BMAL2: variants seen among roughly 807,000 people sequenced by gnomAD.
The protein encoded by BMAL2 is basic helix-loop-helix ARNT-like protein 2.
chr12:27,384,658 C>T, the BMAL2 span, among the ~76,000 whole-genome samples: 4 of 152,112 alleles, frequency 2.6e-5, no homozygotes, highest in Non-Finnish European at 5.9e-5. Context: ...TTTTCCTATG[C>T]ACATATACCT....
chr12:27,369,855 T>C, the BMAL2 span, among the ~76,000 whole-genome samples: 1 of 152,176 alleles, frequency 6.6e-6, no homozygotes, highest in Non-Finnish European at 1.5e-5. Flanking sequence ...GTATGGCATT[T>C]TTTTGTCAGC....
chr12:27,385,912 C>T, the BMAL2 span, among the ~76,000 whole-genome samples: 28 of 152,212 alleles, frequency 1.8e-4, no homozygotes, highest in Middle Eastern at 3.4e-3. Context: ...CTGTTCTTCT[C>T]GGAGGCCAGT....
At chr12:27,362,546 G>C in the BMAL2 span, among the ~76,000 whole-genome samples, 2 of 152,150 alleles carry the variant, frequency 1.3e-5, no homozygotes, top group Admixed American at 6.5e-5. Flanking sequence ...AGAAGTCCCT[G>C]TGTGTCCCTC....
At chr12:27,423,319 CTTTTCTTTTTTTTT>C in the BMAL2 span, 1 of 123,882 alleles carries the variant, frequency 8.1e-6, no homozygotes, top group African/African-American at 3.1e-5. Context: ...CTTTTCTTTT[CTTTTCTTTTTTTTT>C]TTTTTTTTTT....
chr12:27,397,383 T>G, the BMAL2 span, among the ~76,000 whole-genome samples: 1 of 152,240 alleles, frequency 6.6e-6, no homozygotes, highest in East Asian at 1.9e-4. Context: ...TCACTGTGTT[T>G]TAGACTGCTC....
At chr12:27,361,927 A>T in the BMAL2 span, among the ~76,000 whole-genome samples, 1 of 152,146 alleles carries the variant, frequency 6.6e-6, no homozygotes, top group Non-Finnish European at 1.5e-5. Context: ...AGAGAAGATT[A>T]TTCTGCCTGC....
At chr12:27,389,886 A>G in the BMAL2 span, 2 of 406,154 alleles carry the variant, frequency 4.9e-6, no homozygotes, top group East Asian at 7.6e-5. Flanking sequence ...ATAAATTGCA[A>G]ATGTCTGTAA....
At chr12:27,370,073 C>T in the BMAL2 span, 2 of 1,295,110 alleles carry the variant, frequency 1.5e-6, no homozygotes, top group Middle Eastern at 1.9e-4. Context: ...GACAGGCTTG[C>T]TGTCCATTCC....
At chr12:27,386,400 T>A in the BMAL2 span, among the ~76,000 whole-genome samples, 2 of 152,208 alleles carry the variant, frequency 1.3e-5, no homozygotes, top group Non-Finnish European at 2.9e-5. Context: ...TGTACCCGCT[T>A]CCATGCAGGC....
the BMAL2 span, among the ~76,000 whole-genome samples, chr12:27,414,508 A>G: frequency 3.3e-5 from 5 of 152,350 alleles, no homozygotes; most frequent in South Asian, 1.0e-3. Flanking sequence ...GGAAAATCGT[A>G]AGAGTCACAA....
chr12:27,385,271 G>A, the BMAL2 span, among the ~76,000 whole-genome samples: 811 of 152,126 alleles, frequency 5.3e-3, 6 homozygotes, highest in Middle Eastern at 0.027. Flanking sequence ...CTGAGATTGC[G>A]CGACCGCACT....
chr12:27,388,219 G>C, the BMAL2 span, among the ~76,000 whole-genome samples: 1 of 152,130 alleles, frequency 6.6e-6, no homozygotes, highest in African/African-American at 2.4e-5. Context: ...AGGCTATTAA[G>C]AGACTTACTG....
chr12:27,342,418 A>T, the BMAL2 span, among the ~76,000 whole-genome samples: 1 of 152,244 alleles, frequency 6.6e-6, no homozygotes, highest in Non-Finnish European at 1.5e-5. Context: ...AGAAATGCAG[A>T]TTTTAAGAGA....
At chr12:27,377,959 A>ACT in the BMAL2 span, among the ~76,000 whole-genome samples, 94 of 95,866 alleles carry the variant, frequency 9.8e-4, no homozygotes, top group East Asian at 0.018. Context: ...CCACCTCCCT[A>ACT]CTCTTATCTG....
the BMAL2 span, among the ~76,000 whole-genome samples, chr12:27,356,103 T>G: frequency 6.6e-6 from 1 of 152,222 alleles, no homozygotes; most frequent in East Asian, 1.9e-4. Flanking sequence ...CTGAGCCATA[T>G]TTCCCCAACC....
At chr12:27,380,477 C>T in the BMAL2 span, 8 of 1,527,534 alleles carry the variant, frequency 5.2e-6, no homozygotes, top group South Asian at 5.9e-5. Context: ...GATTGGTTCG[C>T]TTTGCTGTCA....
chr12:27,394,659 A>T, the BMAL2 span: 1 of 152,240 alleles, frequency 6.6e-6, no homozygotes, highest in South Asian at 2.1e-4. Flanking sequence ...TTTAGATTTT[A>T]TCTCAATAAG....
the BMAL2 span, among the ~76,000 whole-genome samples, chr12:27,353,397 A>G: frequency 6.6e-6 from 1 of 152,150 alleles, no homozygotes; most frequent in Non-Finnish European, 1.5e-5. Flanking sequence ...AAAGTGGACC[A>G]CTTCTTTCAC....
the BMAL2 span, among the ~76,000 whole-genome samples, chr12:27,382,580 A>T: frequency 6.6e-6 from 1 of 152,184 alleles, no homozygotes; most frequent in Non-Finnish European, 1.5e-5. Flanking sequence ...GACATGGTTA[A>T]GTACTCATCC....
Sources: gnomAD v4.1 joint callset for allele counts (sites outside exome capture counted in the v4.1 genomes callset) on GRCh38, gnomAD v4.1.1 for gene constraint, MANE v1.5 for transcripts, NCBI Gene and HGNC (gene_info 2026-07-23, HGNC 2026-07-21) for gene names.